The following RLF variants were observed in gnomAD, a reference collection of about 807,000 sequenced individuals.
RLF encodes RLF zinc finger.
Under a neutral mutation model 162.9 loss-of-function variants are expected in RLF, and 7 were observed. That is an observed-to-expected ratio of 0.04 (90% CI 0.02 to 0.08). The LOEUF (loss-of-function observed/expected upper bound fraction) is 0.08, where lower values mean the gene tolerates loss of function less well. Ranked by LOEUF, RLF falls within the 10% of genes least tolerant of loss-of-function variation. The probability of loss-of-function intolerance (pLI) is 1.00; values close to 1 mark genes in which losing one functional copy is unlikely to be tolerated. For missense variants in RLF, 1,664 were observed against 2,244.7 expected, an observed-to-expected ratio of 0.74 and a Z score of 5.23; for synonymous variants, 782 against 791.5, an observed-to-expected ratio of 0.99 and a Z score of 0.20.
intron 1 of RLF, among the ~76,000 whole-genome samples, chr1:40,167,168 AT>A (rs903110027): frequency 4.6e-5 from 7 of 152,158 alleles, no homozygotes; most frequent in African/African-American, 1.7e-4. Flanking sequence ...GAGGCCTAGT[AT>A]TGAGGAAGAG....
chr1:40,199,625 TA>T (rs1332045552), intron 4 of RLF, among the ~76,000 whole-genome samples: 1 of 152,140 alleles, frequency 6.6e-6, no homozygotes, highest in African/African-American at 2.4e-5. Flanking sequence ...TCGAGAAAAC[TA>T]AATGTGGGGA....
Position 40,239,235 on chromosome 1 carries a change from T to A in RLF, c.4533T>A (p.Phe1511Leu). ...AACATCAGACCACCAGGAGATCATT[T>A]AATGCTAAGTCTAAAAAATGTGGCT... Reference protein sequence around the residue: ...GHEHQTTRRSFNAKSKKCGLI... With the variant: ...GHEHQTTRRSLNAKSKKCGLI... Residue 1511 changes from phenylalanine (F) to leucine (L), a missense_variant, in exon 8 of 8, where the codon TTT becomes TTA. This residue lies in a region of RLF where 200 missense variants were observed against 207.3 expected (regional missense o/e 0.96). Transcript: ENST00000372771. 1 of 1,614,184 alleles carries A rather than the reference T, an allele frequency of 6.2e-7. No homozygotes were observed.
Position 40,240,493 on chromosome 1 carries a change from TG to T in RLF, c.*50del. 1 of 1,361,894 alleles carries T rather than the reference TG, an allele frequency of 7.3e-7. No homozygotes were observed. Among genetic ancestry groups the T allele is most frequent in the African/African-American group, 1.4e-5 (1 of 69,218 alleles). The allele number at this position is 1,361,894 out of a possible 1,614,324, so 84.4% of individuals were successfully genotyped here. A position where few individuals can be genotyped will look rare whatever the true frequency, so the allele number is the denominator to read the frequency against. ...ACAGACTGGCTCCAACACTGCAACA[TG>T]GGGACATTTGCCAACTCGAACAAAG... On this transcript the variant is annotated 3_prime_UTR_variant, in exon 8 of 8. Coordinates refer to ENST00000372771, the MANE Select transcript of RLF (RefSeq NM_012421.4).
In RLF at chr1:40,195,706, G is replaced by A. The variant is rs778563538; in HGVS notation, c.549G>A (p.Val183=). The A allele has an allele frequency of 6.2e-7, 1 of 1,613,692 alleles. No homozygotes were observed. Among genetic ancestry groups the A allele is most frequent in the Non-Finnish European group, 8.5e-7 (1 of 1,179,768 alleles). The change falls in exon 4 of 8, where the codon GTG becomes GTA. Residue 183 remains valine, a synonymous_variant. Transcript: ENST00000372771. ...QILVHVTKEG[V]WKNPVLLKIL... is the part of the protein sequence containing the mutation. ...TGGTTCATGTTACCAAGGAAGGGGT[G>A]TGGAAAAACCCAGTTCTTCTTAAAA...
chr1:40,196,227 C>T (rs1642634347), intron 4 of RLF, among the ~76,000 whole-genome samples: 1 of 151,926 alleles, frequency 6.6e-6, no homozygotes, highest in Admixed American at 6.6e-5. Flanking sequence ...CGCGCGCCAC[C>T]ACGCCTGGCT....
At position 40,161,427 on chromosome 1, in the gene RLF, G is replaced by C; in HGVS notation, c.28G>C (p.Ala10Pro). Residue 10 changes from alanine (A) to proline (P), a missense_variant, in exon 1 of 8, where the codon GCT becomes CCT. Coordinates refer to ENST00000372771, the MANE Select transcript of RLF (RefSeq NM_012421.4). The surrounding 1 kb of genome is among the most constrained non-coding windows in gnomAD (Gnocchi z 4.4). Reference protein sequence around the residue: MADGKGDAAAVAGAGAEAPA... With the variant: MADGKGDAAPVAGAGAEAPA... Reference sequence around the variant, plus strand: ...GGCGGACGGAAAGGGAGACGCCGCCGCTGTCGCCGGGGCTGGGGCTGAGGC... The same window carrying C: ...GGCGGACGGAAAGGGAGACGCCGCCCCTGTCGCCGGGGCTGGGGCTGAGGC... The C allele has an allele frequency of 1.3e-6, 2 of 1,551,706 alleles. No individual in the cohort carries two copies. Among genetic ancestry groups the C allele is most frequent in the Non-Finnish European group, 1.7e-6 (2 of 1,154,650 alleles).
chr1:40,218,008 T>G (rs1372062254), intron 5 of RLF, among the ~76,000 whole-genome samples: 4 of 152,240 alleles, frequency 2.6e-5, no homozygotes, highest in African/African-American at 9.6e-5. Context: ...GGATAGTTTT[T>G]ATTCTGTTTT....
At chr1:40,170,720 G>A (rs1319894671) in intron 1 of RLF, among the ~76,000 whole-genome samples, 1 of 152,168 alleles carries the variant, frequency 6.6e-6, no homozygotes, top group Non-Finnish European at 1.5e-5. Context: ...GTTTTGCAGG[G>A]ATTAAATTAT....
At position 40,168,756 on chromosome 1, in the gene RLF, C is replaced by A. The variant is rs561064757; in HGVS notation, c.237+7120C>A. ...CCCTGTAATACCAGCACTTTGGAGG[C>A]CAAGGCGGGTGGATCACCTGAGGTC... On this transcript the variant is annotated intron_variant, in intron 1 of 7. Coordinates refer to ENST00000372771, the MANE Select transcript of RLF (RefSeq NM_012421.4). Among the ~76,000 whole-genome samples the A allele has an allele frequency of 3.9e-5, 6 of 152,070 alleles. No individual in the cohort carries two copies. The South Asian group carries it at 6.2e-4, about 16-fold the overall frequency.
chr1:40,224,623 C>CTTTTTTTTTTTTTTT (rs1168908018), intron 6 of RLF, among the ~76,000 whole-genome samples: 8 of 33,264 alleles, frequency 2.4e-4, no homozygotes, highest in Non-Finnish European at 2.9e-4. Flanking sequence ...TTTTTGAAAG[C>CTTTTTTTTTTTTTTT]TTTTTTTTTT....
chr1:40,198,222 C>T (rs556404687), intron 4 of RLF, among the ~76,000 whole-genome samples: 1 of 150,304 alleles, frequency 6.7e-6, no homozygotes, highest in Admixed American at 6.7e-5. Flanking sequence ...AGGCTGGTCT[C>T]GAACTCCTGA....
chr1:40,190,731 T>C (rs1416852378), intron 2 of RLF, 41 bp from the exon 3 acceptor site: 1 of 1,261,078 alleles, frequency 7.9e-7, no homozygotes, highest in Non-Finnish European at 1.2e-6. Flanking sequence ...ACTTAATTAT[T>C]ACTATAACCA....
intron 4 of RLF, among the ~76,000 whole-genome samples, chr1:40,200,893 C>CACACACAA (rs1642704148): frequency 8.9e-6 from 1 of 112,036 alleles, no homozygotes; most frequent in African/African-American, 4.3e-5. Context: ...CACACACACA[C>CACACACAA]ACACACACAC....
chr1:40,210,502 G>C (rs1013473569), intron 5 of RLF, among the ~76,000 whole-genome samples: 1 of 152,218 alleles, frequency 6.6e-6, no homozygotes, highest in African/African-American at 2.4e-5. Flanking sequence ...AGTCTTGTGA[G>C]AAATAAGACC....
chr1:40,184,754 A>G (rs151183222), intron 1 of RLF, among the ~76,000 whole-genome samples: 11 of 152,298 alleles, frequency 7.2e-5, no homozygotes, highest in African/African-American at 2.4e-4. Flanking sequence ...TAGCCTTTCA[A>G]GGGCAGGAAT....
chr1:40,224,599 T>C (rs1300433195), intron 6 of RLF, among the ~76,000 whole-genome samples: 2 of 140,272 alleles, frequency 1.4e-5, no homozygotes, highest in African/African-American at 5.6e-5. Context: ...TTTTTTTTTT[T>C]TCCCCTTCCA....
At position 40,240,487 on chromosome 1, in the gene RLF, G is replaced by A; in HGVS notation, c.*40G>A. On this transcript the variant is annotated 3_prime_UTR_variant, in exon 8 of 8. Coordinates refer to ENST00000372771, the MANE Select transcript of RLF (RefSeq NM_012421.4). ...TTAGTAACAGACTGGCTCCAACACT[G>A]CAACATGGGGACATTTGCCAACTCG... 7.0e-7 allele frequency: 1 copy of A among 1,420,330 alleles called. No homozygotes were observed. The highest frequency in any genetic ancestry group is 9.8e-7 in the Non-Finnish European group (1 of 1,023,708). The allele number at this position is 1,420,330 out of a possible 1,614,324, so 88.0% of individuals were successfully genotyped here. A position where few individuals can be genotyped will look rare whatever the true frequency, so the allele number is the denominator to read the frequency against.
At chr1:40,217,486 A>G (rs2124550956) in intron 5 of RLF, among the ~76,000 whole-genome samples, 1 of 152,050 alleles carries the variant, frequency 6.6e-6, no homozygotes, top group South Asian at 2.1e-4. Flanking sequence ...GTAAAAAACA[A>G]ATGGGCCGGG....
chr1:40,179,033 C>T (rs984346159), intron 1 of RLF, among the ~76,000 whole-genome samples: 3 of 151,302 alleles, frequency 2.0e-5, no homozygotes, highest in African/African-American at 7.3e-5. Flanking sequence ...CAGCATTTCG[C>T]CGTGTTGGCC....
Sources: gnomAD v4.1 joint callset for allele counts (sites outside exome capture counted in the v4.1 genomes callset) on GRCh38, gnomAD v4.1.1 for gene constraint, gnomAD v4.1.1 regional missense constraint, Gnocchi (gnomAD v3.1) non-coding constraint, MANE v1.5 for transcripts, NCBI Gene and HGNC (gene_info 2026-07-23, HGNC 2026-07-21) for gene names.